MAP3K9: variants seen among roughly 807,000 people sequenced by gnomAD.
MAP3K9 encodes the protein mixed lineage kinase 1 (tyr and ser/thr specificity).
A neutral mutation model predicts 95.8 loss-of-function variants in MAP3K9; 46 were observed. That is an observed-to-expected ratio of 0.48 (90% CI 0.38 to 0.61). The LOEUF is 0.61. MAP3K9 is among the 20% of genes least tolerant of loss of function. The probability of loss-of-function intolerance (pLI) is 0.00; values close to 1 mark genes in which losing one functional copy is unlikely to be tolerated. For synonymous variants in MAP3K9, 533 were observed against 593.8 expected (o/e 0.90, Z 1.49); for missense variants, 1,296 against 1,474.3 (o/e 0.88, Z 1.98).
chr14:70,800,610 C>T (rs899067924), intron 2 of MAP3K9, 57 bp downstream of exon 2: 12 of 1,548,566 alleles, frequency 7.7e-6, no homozygotes, highest in African/African-American at 5.4e-5. Context: ...CTACTGACGT[C>T]GTGGGATACA....
chr14:70,743,893 GAC>G (rs1259856530), intron 5 of MAP3K9, among the ~76,000 whole-genome samples: 1 of 152,170 alleles, frequency 6.6e-6, no homozygotes, highest in Non-Finnish European at 1.5e-5. Context: ...CTACTATAAA[GAC>G]ACATGCACAC....
chr14:70,739,233 G>A (rs963311806), intron 7 of MAP3K9, among the ~76,000 whole-genome samples: 3 of 152,186 alleles, frequency 2.0e-5, no homozygotes, highest in African/African-American at 4.8e-5. Context: ...GCATTCAAGC[G>A]ATTCTCTTGC....
chr14:70,801,504 G>A (rs552037891), intron 1 of MAP3K9, among the ~76,000 whole-genome samples: 19 of 152,170 alleles, frequency 1.2e-4, no homozygotes, highest in African/African-American at 3.6e-4. Context: ...CTCCAGCCTC[G>A]GCCTCCCAAA....
chr14:70,772,098 G>A (rs564841852), intron 2 of MAP3K9, among the ~76,000 whole-genome samples: 2 of 152,286 alleles, frequency 1.3e-5, no homozygotes, highest in East Asian at 1.9e-4. Flanking sequence ...TCCCCGACTC[G>A]ACCTCAGCAG....
chr14:70,809,453 C>T lies in MAP3K9; in HGVS notation c.-282G>A. On this transcript the variant is annotated 5_prime_UTR_variant, in exon 1 of 12. Coordinates refer to ENST00000554752, the MANE Select transcript of MAP3K9 (RefSeq NM_001284230.2). The stretch of plus-strand genomic sequence containing the variant: ...GGGGCGGCCTCGTCACCTCTGCCGC[C>T]GGTACCTGCTCGCGCAGCCGGTGCC... 3.9e-6 allele frequency: 1 copy of T among 256,612 alleles called. No homozygotes were observed. Among genetic ancestry groups the T allele is most frequent in the Non-Finnish European group, 7.4e-6 (1 of 135,846 alleles). 15.9% of individuals were successfully genotyped at this position (256,612 alleles called of 1,614,324 possible).
In MAP3K9 at chr14:70,733,241, C is replaced by T. The variant is rs752402687; in HGVS notation, c.2128G>A (p.Asp710Asn). ...TGGATTCCATCACTGGAGGGGCCAT[C>T]GCCATCCTCTCCACGAGGGAATGGG... ...CIPFPRGEDG[D>N]GPSSDGIHEE... Residue 710 changes from aspartate to asparagine, a missense_variant, in exon 11 of 12, where the codon GAT (aspartate) becomes AAT (asparagine). Asp to Asn is a conservative substitution (Grantham distance 23). This residue lies in a region of MAP3K9 where 377 missense variants were observed against 417.1 expected (regional missense o/e 0.90). Coordinates refer to ENST00000554752, the MANE Select transcript of MAP3K9 (RefSeq NM_001284230.2). 47 of 1,612,462 alleles carry T rather than the reference C, an allele frequency of 2.9e-5. No homozygotes were observed. The highest frequency in any genetic ancestry group is 3.8e-5 in the Non-Finnish European group (45 of 1,179,096).
Position 70,738,360 on chromosome 14 carries a change from A to G in MAP3K9, c.1729T>C (p.Ser577Pro), listed in dbSNP as rs1566732539. Residue 577 changes from serine (S) to proline (P), a missense_variant, in exon 8 of 12, where the codon TCA (serine) becomes CCA (proline). Transcript: ENST00000554752. ...TCCCCTTCCTCCTTTGGGACGACTG[A>G]GCTCCTGCCCCAGGTTTTGCTGCTT... is the stretch of plus-strand genomic sequence containing the variant. Reference protein sequence around the residue: ...GESSKTWGRSSVVPKEEGEEE... With the variant: ...GESSKTWGRSPVVPKEEGEEE... 1.9e-6 allele frequency: 3 copies of G among 1,613,834 alleles called. No individual in the cohort carries two copies. The Admixed American group carries it at 5.0e-5, about 27-fold the overall frequency.
At chr14:70,748,744 G>A in intron 5 of MAP3K9, 85 bp downstream of exon 5, 4 of 1,054,072 alleles carry the variant, frequency 3.8e-6, no homozygotes, top group Non-Finnish European at 5.5e-6. Flanking sequence ...TCGGTCCAGA[G>A]GTCCCTGTGA....
chr14:70,766,981 T>C (rs1356081629), intron 2 of MAP3K9, among the ~76,000 whole-genome samples: 2 of 152,174 alleles, frequency 1.3e-5, no homozygotes, highest in Non-Finnish European at 2.9e-5. Context: ...TCATTTCCGC[T>C]AGCATGTGAT....
chr14:70,809,505 CCT>C lies in MAP3K9; in HGVS notation c.-336_-335del, dbSNP rs1307232045. 1 of 169,116 alleles carries C rather than the reference CCT, an allele frequency of 5.9e-6. No individual in the cohort carries two copies. The highest frequency in any genetic ancestry group is 2.4e-5 in the African/African-American group (1 of 41,856). 10.5% of individuals were successfully genotyped at this position (169,116 alleles called of 1,614,324 possible). A position where few individuals can be genotyped will look rare whatever the true frequency, so the allele number is the denominator to read the frequency against. On this transcript the variant is annotated 5_prime_UTR_variant, in exon 1 of 12. Transcript: ENST00000554752. ...GCCGCTGCCAGCCGGCCGCCGCTCT[CCT>C]CTCCGCGCCGTGCCGTGCCCCGCCC...
intron 3 of MAP3K9, among the ~76,000 whole-genome samples, chr14:70,758,855 T>C (rs1470855355): frequency 2.0e-5 from 3 of 151,996 alleles, no homozygotes; most frequent in African/African-American, 7.2e-5. Flanking sequence ...CTCTGCCTCC[T>C]GGGTTCAAGC....
intron 1 of MAP3K9, among the ~76,000 whole-genome samples, chr14:70,805,728 G>A (rs1472643403): frequency 6.6e-6 from 1 of 152,140 alleles, no homozygotes; most frequent in Non-Finnish European, 1.5e-5. Flanking sequence ...AAACCAGCCT[G>A]GGCAACAAAG....
intron 2 of MAP3K9, among the ~76,000 whole-genome samples, chr14:70,793,866 C>T (rs1305982092): frequency 3.3e-5 from 5 of 152,138 alleles, no homozygotes; most frequent in African/African-American, 1.2e-4. Flanking sequence ...TTCGTTATGG[C>T]CTATGAATGC....
chr14:70,783,776 A>G (rs2054711917), intron 2 of MAP3K9, among the ~76,000 whole-genome samples: 1 of 152,234 alleles, frequency 6.6e-6, no homozygotes, highest in Non-Finnish European at 1.5e-5. Context: ...ATTCAGCTGC[A>G]AAGAAACACC....
At chr14:70,757,265 A>C (rs1342924419) in intron 3 of MAP3K9, among the ~76,000 whole-genome samples, 2 of 152,072 alleles carry the variant, frequency 1.3e-5, no homozygotes, top group Admixed American at 6.5e-5. Flanking sequence ...TGAGCTCAGG[A>C]GTTCAAGACT....
chr14:70,791,651 T>C (rs915682575), intron 2 of MAP3K9, among the ~76,000 whole-genome samples: 24 of 152,164 alleles, frequency 1.6e-4, no homozygotes, highest in African/African-American at 5.8e-4. Context: ...CCTTTCCACT[T>C]TGTCTCCACT....
intron 2 of MAP3K9, among the ~76,000 whole-genome samples, chr14:70,764,941 AGCTCCATT>A (rs2054429634): frequency 6.6e-6 from 1 of 152,248 alleles, no homozygotes; most frequent in South Asian, 2.1e-4. Flanking sequence ...GTTTATGTTA[AGCTCCATT>A]GTTACAAAAG....
chr14:70,778,039 A>T (rs1001256665), intron 2 of MAP3K9, among the ~76,000 whole-genome samples: 7 of 152,180 alleles, frequency 4.6e-5, no homozygotes, highest in African/African-American at 1.4e-4. Context: ...TGATCCTATA[A>T]AGGAAACTAG....
At position 70,740,072 on chromosome 14, in the gene MAP3K9, T is replaced by C. The variant is rs1349978604; in HGVS notation, c.1660A>G (p.Thr554Ala). Reference sequence around the variant, plus strand: ...ATGGCTCGAAGGCGAGGAATGATGGTGGGGCTTGCAGGAGGACTGGAGCGG... The same window carrying C: ...ATGGCTCGAAGGCGAGGAATGATGGCGGGGCTTGCAGGAGGACTGGAGCGG... ...NSRSSPPASP[T>A]IIPRLRAIQL... Residue 554 changes from threonine to alanine, a missense_variant, in exon 7 of 12, where the codon ACC becomes GCC. Thr to Ala is a moderately conservative substitution (Grantham distance 58, BLOSUM62 0). Around this residue, in one of 5 missense-constraint regions of MAP3K9, gnomAD observed 377 missense variants for 417.1 expected, o/e 0.90. Transcript: ENST00000554752. 1 of 1,614,096 alleles carries C rather than the reference T, an allele frequency of 6.2e-7. No individual in the cohort carries two copies. Among genetic ancestry groups the C allele is most frequent in the East Asian group, 2.2e-5 (1 of 44,882 alleles).
Sources: gnomAD v4.1 joint callset for allele counts (sites outside exome capture counted in the v4.1 genomes callset) on GRCh38, gnomAD v4.1.1 for gene constraint, gnomAD v4.1.1 regional missense constraint, MANE v1.5 for transcripts, NCBI Gene and HGNC (gene_info 2026-07-23, HGNC 2026-07-21) for gene names.